MECOM: variants seen among roughly 807,000 people sequenced by gnomAD.
The protein encoded by MECOM is histone-lysine N-methyltransferase MECOM.
A neutral mutation model predicts 116.3 loss-of-function variants in MECOM; 13 were observed. The observed-to-expected ratio is 0.11, with a 90% confidence interval of 0.07 to 0.18. The LOEUF (loss-of-function observed/expected upper bound fraction) is 0.18, where lower values mean the gene tolerates loss of function less well. Among genes scored for constraint, MECOM ranks in the 10% least tolerant of loss-of-function variants. The pLI is 1.00. For synonymous variants in MECOM, 528 were observed against 535.2 expected (o/e 0.99, Z 0.19); for missense variants, 1,299 against 1,509.0 (o/e 0.86, Z 2.31).
chr3:169,120,961 C>A (rs1451897852), intron 7 of MECOM, 95 bp downstream of exon 7: 14 of 1,308,032 alleles, frequency 1.1e-5, no homozygotes, highest in Non-Finnish European at 1.5e-5. Flanking sequence ...AACACGGTGA[C>A]CCTCTAAAGG....
At chr3:169,326,088 A>G (rs888251235) in intron 2 of MECOM, among the ~76,000 whole-genome samples, 20 of 152,256 alleles carry the variant, frequency 1.3e-4, no homozygotes, top group African/African-American at 4.6e-4. Flanking sequence ...ACAGAGAAAG[A>G]GGAGGGATTA....
rs760965218 is a variant in MECOM at position 169,116,110 on chromosome 3, G to T, written c.1762C>A (p.Pro588Thr). 3.7e-6 allele frequency: 6 copies of T among 1,614,082 alleles called. No homozygotes were observed. The highest frequency in any genetic ancestry group is 5.1e-6 in the Non-Finnish European group (6 of 1,180,030). ...GTTGTTTCCAGGTCACTGCCACTTG[G>T]TGTACTGACATCATCAAGGTCACTA... Reference protein sequence around the residue: ...ESSDLDDVSTPSGSDLETTSG... With the variant: ...ESSDLDDVSTTSGSDLETTSG... Residue 588 changes from proline (P) to threonine (T), a missense_variant, in exon 8 of 17, where the codon CCA (proline) becomes ACA (threonine). Physicochemically the swap from Pro to Thr is conservative, Grantham distance 38. Coordinates refer to ENST00000651503, the MANE Select transcript of MECOM (RefSeq NM_004991.4).
chr3:169,386,751 C>A (rs1733386605), intron 1 of MECOM, among the ~76,000 whole-genome samples: 1 of 151,966 alleles, frequency 6.6e-6, no homozygotes, highest in Non-Finnish European at 1.5e-5. Flanking sequence ...AGGTTAGATT[C>A]CTATAAGAAA....
intron 1 of MECOM, among the ~76,000 whole-genome samples, chr3:169,506,654 T>C (rs1255416877): frequency 6.6e-6 from 1 of 152,236 alleles, no homozygotes; most frequent in Non-Finnish European, 1.5e-5. Flanking sequence ...TATATTTACA[T>C]GCCAATATTT....
chr3:169,487,822 GAAGT>G (rs199744831), intron 1 of MECOM, among the ~76,000 whole-genome samples: 2,623 of 151,882 alleles, frequency 0.017, 59 homozygotes, highest in African/African-American at 0.05. Flanking sequence ...ACTCAGTTTG[GAAGT>G]AAGTGGATGA....
chr3:169,091,029 T>C (rs552300274), intron 14 of MECOM, among the ~76,000 whole-genome samples: 1 of 152,180 alleles, frequency 6.6e-6, no homozygotes, highest in South Asian at 2.1e-4. Context: ...AAAAATCCAT[T>C]TGACCAGAAA....
chr3:169,156,349 G>A (rs377533357), intron 2 of MECOM, among the ~76,000 whole-genome samples: 8 of 152,028 alleles, frequency 5.3e-5, no homozygotes, highest in African/African-American at 1.7e-4. Flanking sequence ...AACACCTAAG[G>A]AAAACAATTT....
intron 1 of MECOM, among the ~76,000 whole-genome samples, chr3:169,469,936 G>A (rs368435038): frequency 1.3e-5 from 2 of 152,142 alleles, no homozygotes; most frequent in African/African-American, 2.4e-5. Context: ...ACCAGAGAAC[G>A]TGGTCATCAC....
intron 7 of MECOM, among the ~76,000 whole-genome samples, chr3:169,118,137 T>C (rs943766012): frequency 3.9e-5 from 6 of 152,062 alleles, no homozygotes; most frequent in Admixed American, 6.6e-5. Flanking sequence ...TTTTATAGAC[T>C]TTCAGTCAAG....
chr3:169,334,157 C>T (rs924130800), intron 2 of MECOM, among the ~76,000 whole-genome samples: 1 of 151,986 alleles, frequency 6.6e-6, no homozygotes, highest in Non-Finnish European at 1.5e-5. Flanking sequence ...TTTATTAACC[C>T]TAATATATCC....
chr3:169,326,164 G>A (rs1352254036), intron 2 of MECOM, among the ~76,000 whole-genome samples: 1 of 152,170 alleles, frequency 6.6e-6, no homozygotes, highest in Non-Finnish European at 1.5e-5. Flanking sequence ...AGGCTTTGGA[G>A]ATAACTAGGA....
At chr3:169,547,230 CT>C (rs1321427004) in intron 1 of MECOM, among the ~76,000 whole-genome samples, 4 of 152,166 alleles carry the variant, frequency 2.6e-5, no homozygotes, top group Admixed American at 6.6e-5. Flanking sequence ...TTTGTGCTGT[CT>C]CGCTCTCTCT....
chr3:169,531,319 T>C (rs1254516790), intron 1 of MECOM, among the ~76,000 whole-genome samples: 1 of 152,182 alleles, frequency 6.6e-6, no homozygotes. Context: ...AACAAACCAA[T>C]GCAGAGGAAG....
intron 1 of MECOM, among the ~76,000 whole-genome samples, chr3:169,433,653 G>GA (rs1315891930): frequency 6.2e-5 from 8 of 130,042 alleles, no homozygotes; most frequent in Non-Finnish European, 1.2e-4. Context: ...AAGAAAGAAA[G>GA]AAAGAAAGAA....
At chr3:169,661,691 CCTGCTGAGGTGCCGCCG>C (rs1177273659) in intron 1 of MECOM, among the ~76,000 whole-genome samples, 197 of 152,324 alleles carry the variant, frequency 1.3e-3, no homozygotes, top group African/African-American at 4.6e-3. Context: ...CGAAGCCGAG[CCTGCTGAGGTGCCGCCG>C]ACTTCCCGGG....
intron 1 of MECOM, among the ~76,000 whole-genome samples, chr3:169,422,685 T>C (rs548048173): frequency 6.6e-6 from 1 of 152,180 alleles, no homozygotes; most frequent in Admixed American, 6.6e-5. Context: ...AAGAATTAAA[T>C]TTGGCCTTTT....
chr3:169,649,986 G>C (rs1174634259), intron 1 of MECOM, among the ~76,000 whole-genome samples: 1 of 152,166 alleles, frequency 6.6e-6, no homozygotes, highest in Non-Finnish European at 1.5e-5. Flanking sequence ...CTGTGTAAAG[G>C]AATGGGCTGA....
chr3:169,157,631 G>A (rs1366838464), intron 2 of MECOM, among the ~76,000 whole-genome samples: 1 of 152,132 alleles, frequency 6.6e-6, no homozygotes, highest in Non-Finnish European at 1.5e-5. Context: ...TTCTGTAAAT[G>A]TTGTTGAGTA....
chr3:169,184,184 T>C (rs1460862776), intron 2 of MECOM, among the ~76,000 whole-genome samples: 1 of 152,114 alleles, frequency 6.6e-6, no homozygotes, highest in Non-Finnish European at 1.5e-5. Context: ...AAGATATTTA[T>C]GATGAATGTC....
Sources: gnomAD v4.1 joint callset for allele counts (sites outside exome capture counted in the v4.1 genomes callset) on GRCh38, gnomAD v4.1.1 for gene constraint, MANE v1.5 for transcripts, NCBI Gene and HGNC (gene_info 2026-07-23, HGNC 2026-07-21) for gene names.